ADCY3: variants seen among roughly 807,000 people sequenced by gnomAD.
The protein encoded by ADCY3 is adenylate cyclase type 3.
ADCY3 carries 70 observed loss-of-function variants against 119.4 expected under a neutral mutation model. That is an observed-to-expected ratio of 0.59 (90% CI 0.48 to 0.72). The LOEUF (loss-of-function observed/expected upper bound fraction) is 0.72, where lower values mean the gene tolerates loss of function less well. Among genes scored for constraint, ADCY3 ranks in the 30% least tolerant of loss-of-function variants. The pLI, the probability that ADCY3 is intolerant of heterozygous loss-of-function variation, is 0.00. For missense variants in ADCY3, 1,238 were observed against 1,541.6 expected, an observed-to-expected ratio of 0.80 and a Z score of 3.30; for synonymous variants, 672 against 621.4, an observed-to-expected ratio of 1.08 and a Z score of -1.21.
In ADCY3 at chr2:24,823,270, A is replaced by G; in HGVS notation, c.2822T>C (p.Ile941Thr). Residue 941 changes from isoleucine (I) to threonine (T), a missense_variant, in exon 18 of 22, where the codon ATC becomes ACC. By Grantham distance (89) the Ile-to-Thr change is moderately conservative. This residue lies in a region of ADCY3 where 37 missense variants were observed against 73.5 expected (regional missense o/e 0.50). Transcript: ENST00000679454. ...NFADFYTEES[I>T]NNGGIECLRF... ...CAGACACTCAATACCACCATTGTTG[A>G]TGCTCTCCTCTGTGTAGAAGTCAGC... The G allele has an allele frequency of 1.2e-6, 2 of 1,613,612 alleles. No individual in the cohort carries two copies. The highest frequency in any genetic ancestry group is 1.7e-6 in the Non-Finnish European group (2 of 1,179,938).
intron 13 of ADCY3, among the ~76,000 whole-genome samples, chr2:24,828,377 ACT>A (rs957105259): frequency 1.6e-4 from 25 of 152,088 alleles, no homozygotes; most frequent in Admixed American, 9.8e-4. Flanking sequence ...ATTCACAAAA[ACT>A]CTCTCGAGTA....
chr2:24,837,820 G>A (rs918938436), intron 8 of ADCY3, among the ~76,000 whole-genome samples: 32 of 152,264 alleles, frequency 2.1e-4, no homozygotes, highest in African/African-American at 7.5e-4. Context: ...CAGGTCTGTA[G>A]ATATTCGGGG....
At chr2:24,840,761 A>T (rs891608338) in intron 6 of ADCY3, among the ~76,000 whole-genome samples, 3 of 152,086 alleles carry the variant, frequency 2.0e-5, no homozygotes, top group African/African-American at 7.2e-5. Flanking sequence ...AGGGCAGGAG[A>T]GTTTGCCTCC....
chr2:24,879,847 G>C (rs1053749797), intron 2 of ADCY3, among the ~76,000 whole-genome samples: 2 of 152,124 alleles, frequency 1.3e-5, no homozygotes, highest in Non-Finnish European at 2.9e-5. Context: ...CCGCGGCACA[G>C]GGGGCTCCCC....
intron 3 of ADCY3, among the ~76,000 whole-genome samples, chr2:24,868,330 T>C (rs1027961130): frequency 2.0e-5 from 3 of 152,226 alleles, no homozygotes; most frequent in African/African-American, 7.2e-5. Flanking sequence ...GTGAGATCTG[T>C]AGCATTAAAT....
At chr2:24,906,716 C>G (rs1679483324) in intron 2 of ADCY3, among the ~76,000 whole-genome samples, 2 of 152,220 alleles carry the variant, frequency 1.3e-5, no homozygotes, top group Admixed American at 1.3e-4. Context: ...AAATATGTAC[C>G]AAATGACACA....
intron 8 of ADCY3, 80 bp from the exon 9 acceptor site, chr2:24,837,125 G>A: frequency 1.4e-6 from 2 of 1,478,732 alleles, no homozygotes; most frequent in African/African-American, 1.4e-5. Flanking sequence ...ACAAGGGCGT[G>A]GGAGGCGGTG....
intron 2 of ADCY3, among the ~76,000 whole-genome samples, chr2:24,910,661 C>CTTT (rs59644324): frequency 9.1e-5 from 12 of 131,414 alleles, no homozygotes; most frequent in East Asian, 2.2e-4. Context: ...CTTTTCTTTT[C>CTTT]TTTTTTTTTT....
intron 2 of ADCY3, among the ~76,000 whole-genome samples, chr2:24,905,850 A>G (rs6721750): frequency 0.52 from 79,411 of 152,084 alleles, 22,921 homozygotes; most frequent in African/African-American, 0.79. Flanking sequence ...AACTTACCCC[A>G]GATCTCACAG....
chr2:24,850,841 T>A (rs2148652314), intron 3 of ADCY3, among the ~76,000 whole-genome samples: 1 of 152,318 alleles, frequency 6.6e-6, no homozygotes, highest in Non-Finnish European at 1.5e-5. Context: ...GTATTGTTTA[T>A]CATTGCAATA....
intron 2 of ADCY3, among the ~76,000 whole-genome samples, chr2:24,909,985 G>C (rs1363888147): frequency 6.6e-6 from 1 of 152,182 alleles, no homozygotes; most frequent in African/African-American, 2.4e-5. Context: ...GGAAGCCCAA[G>C]TTAGCCACAT....
chr2:24,874,312 T>C (rs575117900), intron 2 of ADCY3, among the ~76,000 whole-genome samples: 162 of 152,184 alleles, frequency 1.1e-3, no homozygotes, highest in Non-Finnish European at 2.1e-3. Context: ...TGTTGACCTC[T>C]TGGGTCTGAG....
chr2:24,830,873 C>A, intron 12 of ADCY3, 48 bp from the exon 13 acceptor site: 1 of 1,468,706 alleles, frequency 6.8e-7, no homozygotes, highest in South Asian at 1.2e-5. Context: ...CCAGTCCTTT[C>A]TCCTGCGACG....
At chr2:24,830,932 C>A in intron 12 of ADCY3, 107 bp from the exon 13 acceptor site, 1 of 855,730 alleles carries the variant, frequency 1.2e-6, no homozygotes, top group Non-Finnish European at 1.9e-6. Context: ...CCAGGAGCCT[C>A]AAAACGGACT....
intron 2 of ADCY3, among the ~76,000 whole-genome samples, chr2:24,903,390 G>T (rs961559308): frequency 2.0e-5 from 3 of 151,852 alleles, no homozygotes; most frequent in Non-Finnish European, 2.9e-5. Context: ...CGTCTGTCTC[G>T]ATCTCCTCAG....
In ADCY3 at chr2:24,838,547, G is replaced by C; in HGVS notation, c.1431C>G (p.Ser477Arg). The change falls in exon 8 of 22, where the codon AGC (serine) becomes AGG (arginine). Residue 477 changes from serine to arginine, a missense_variant. Physicochemically the swap from Ser to Arg is moderately radical, Grantham distance 110. This residue lies in a region of ADCY3 where 283 missense variants were observed against 437.2 expected (regional missense o/e 0.65). Coordinates refer to ENST00000679454, the MANE Select transcript of ADCY3 (RefSeq NM_004036.5). The part of the protein sequence containing the change: ...EFDVEPGDGG[S>R]RCDYLEEKGI... ...CCTTCTCTTCTAGGTAATCACAGCG[G>C]CTGCCCCCATCGCCTGGCTCCACAT... 1 of 1,614,142 alleles carries C rather than the reference G, an allele frequency of 6.2e-7. No homozygotes were observed. Among genetic ancestry groups the C allele is most frequent in the South Asian group, 1.1e-5 (1 of 91,082 alleles).
At chr2:24,827,714 G>T (rs1045465172) in intron 14 of ADCY3, 106 bp from the exon 15 acceptor site, 7 of 1,418,788 alleles carry the variant, frequency 4.9e-6, no homozygotes, top group Middle Eastern at 1.9e-4. Flanking sequence ...AGAATGGGAA[G>T]AATCTATTCT....
chr2:24,912,774 A>T (rs1411007319), intron 2 of ADCY3, among the ~76,000 whole-genome samples: 1 of 152,178 alleles, frequency 6.6e-6, no homozygotes, highest in Non-Finnish European at 1.5e-5. Flanking sequence ...AATGTCAGGG[A>T]AATAATGTGG....
chr2:24,826,356 G>A, intron 15 of ADCY3: 1 of 528,668 alleles, frequency 1.9e-6, no homozygotes. Context: ...GGCTGCACCT[G>A]GTATTCACAT....
Sources: allele counts gnomAD v4.1 joint callset (sites outside exome capture counted in the v4.1 genomes callset), GRCh38; gene constraint gnomAD v4.1.1; regional missense constraint gnomAD v4.1.1; transcripts MANE v1.5; gene names NCBI Gene and HGNC (gene_info 2026-07-23, HGNC 2026-07-21).